Variants in CHD8 observed in about 807,000 individuals in gnomAD.
CHD8 encodes the protein chromodomain helicase DNA binding protein 8.
In CHD8, 31 loss-of-function variants were observed where a neutral mutation model predicts 279.2. That is an observed-to-expected ratio of 0.11 (90% confidence interval 0.08 to 0.15). The LOEUF (loss-of-function observed/expected upper bound fraction) is 0.15, where lower values mean the gene tolerates loss of function less well. CHD8 is among the 10% of genes least tolerant of loss of function. CHD8 has a pLI of 1.00. For synonymous variants in CHD8, 1,081 were observed against 1,139.6 expected, an observed-to-expected ratio of 0.95 and a Z score of 1.04; for missense variants, 2,146 against 3,230.5, an observed-to-expected ratio of 0.66 and a Z score of 8.14.
intron 35 of CHD8, 62 bp downstream of exon 35, chr14:21,391,771 T>C: frequency 6.5e-7 from 1 of 1,529,070 alleles, no homozygotes; most frequent in Non-Finnish European, 9.0e-7. Flanking sequence ...ACTGCCTTCA[T>C]CAATTATTGG....
chr14:21,440,331 CG>C (rs1889924651), intron 1 of CHD8, among the ~76,000 whole-genome samples: 2 of 152,108 alleles, frequency 1.3e-5, no homozygotes, highest in Non-Finnish European at 2.9e-5. Context: ...CTCAGCCTCC[CG>C]GGTAGCTGGG....
At chr14:21,438,492 C>T (rs1594387636) in intron 1 of CHD8, among the ~76,000 whole-genome samples, 1 of 105,026 alleles carries the variant, frequency 9.5e-6, no homozygotes, top group South Asian at 3.2e-4. Flanking sequence ...TTGGGCATTA[C>T]ATAGTAACAC....
intron 2 of CHD8, 93 bp downstream of exon 2, chr14:21,430,708 T>C (rs1889529399): frequency 2.1e-5 from 16 of 757,896 alleles, no homozygotes; most frequent in Middle Eastern, 3.6e-4. Flanking sequence ...TAAATAGGCT[T>C]TCCCAGAGAA....
At chr14:21,449,034 C>A (rs1022516564) in intron 1 of CHD8, among the ~76,000 whole-genome samples, 1 of 151,664 alleles carries the variant, frequency 6.6e-6, no homozygotes, top group East Asian at 2.0e-4. Flanking sequence ...ATTAGCCGGG[C>A]GTGGTGGCGG....
intron 4 of CHD8, 32 bp from the exon 5 acceptor site, chr14:21,426,274 G>T: frequency 8.9e-7 from 1 of 1,126,102 alleles, no homozygotes; most frequent in Non-Finnish European, 1.3e-6. Context: ...CATTTTCAGT[G>T]AAAGCAAAGA....
Position 21,390,928 on chromosome 14 carries a change from A to C in CHD8, c.7182+19T>G. 1 of 1,237,620 alleles carries C rather than the reference A, an allele frequency of 8.1e-7. No homozygotes were observed. Among genetic ancestry groups the C allele is most frequent in the Non-Finnish European group, 1.2e-6 (1 of 850,788 alleles). The allele number at this position is 1,237,620 out of a possible 1,614,324, so 76.7% of individuals were successfully genotyped here. ...CATCTAGTGTGGGAATAGAGTGGTA[A>C]TGCTGCAATTTCTCTCACCTTTTTC... On this transcript the variant is annotated intron_variant, in intron 37 of 37. Transcript: ENST00000646647.
At position 21,400,645 on chromosome 14, in the gene CHD8, T is replaced by A. The variant is rs1256945912; in HGVS notation, c.4371-33A>T. On this transcript the variant is annotated intron_variant, in intron 22 of 37. Coordinates refer to ENST00000646647, the MANE Select transcript of CHD8 (RefSeq NM_001170629.2). The surrounding 1 kb of genome is among the most constrained non-coding windows in gnomAD (Gnocchi z 4.2). ...ACAGAAAACTATATTAACATTTTTCTGAGAAATGACAGTCCCCTGTCCCTC... is the reference window on the plus strand; with the variant it reads ...ACAGAAAACTATATTAACATTTTTCAGAGAAATGACAGTCCCCTGTCCCTC... 1 of 1,526,602 alleles carries A rather than the reference T, an allele frequency of 6.6e-7. No individual in the cohort carries two copies. The highest frequency in any genetic ancestry group is 8.8e-7 in the Non-Finnish European group (1 of 1,142,230). 94.6% of individuals were successfully genotyped at this position (1,526,602 alleles called of 1,614,324 possible). A position where few individuals can be genotyped will look rare whatever the true frequency, so the allele number is the denominator to read the frequency against.
chr14:21,413,170 C>G (rs1243340655), intron 9 of CHD8, among the ~76,000 whole-genome samples, 174 bp from the exon 10 acceptor site: 1 of 152,202 alleles, frequency 6.6e-6, no homozygotes, highest in Non-Finnish European at 1.5e-5. Flanking sequence ...TTACCAGGGT[C>G]TATACCTGAC....
At position 21,428,976 on chromosome 14, in the gene CHD8, T is replaced by C. The variant is rs776708997; in HGVS notation, c.1203A>G (p.Val401=). Residue 401 remains valine (V), a synonymous_variant, in exon 3 of 38, where the codon GTA becomes GTG. Coordinates refer to ENST00000646647, the MANE Select transcript of CHD8 (RefSeq NM_001170629.2). ...GQRLSVPVKV[V]LQPQAGSSQG... ...GTAAGTCTCTCACCTGTGGCTGCAG[T>C]ACCACCTTGACTGGTACTGAAAGTC... is the stretch of plus-strand genomic sequence containing the variant. The C allele has an allele frequency of 2.4e-5, 38 of 1,613,884 alleles. No homozygotes were observed. The highest frequency in any genetic ancestry group is 1.8e-4 in the East Asian group (8 of 44,900).
At chr14:21,417,024 C>CG (rs1483551430) in intron 5 of CHD8, among the ~76,000 whole-genome samples, 2 of 151,840 alleles carry the variant, frequency 1.3e-5, no homozygotes, top group African/African-American at 4.8e-5. Context: ...GGCTTGAACC[C>CG]GGGGGGTGGA....
intron 1 of CHD8, chr14:21,437,316 A>T: frequency 9.1e-7 from 1 of 1,100,968 alleles, no homozygotes; most frequent in Non-Finnish European, 1.1e-6. Context: ...GCTGAAGCGC[A>T]CTGCCACTCA....
chr14:21,448,998 C>G (rs1211068141), intron 1 of CHD8, among the ~76,000 whole-genome samples: 1 of 151,658 alleles, frequency 6.6e-6, no homozygotes, highest in Non-Finnish European at 1.5e-5. Context: ...CAAGGTGAAA[C>G]CCCATCTCTA....
intron 5 of CHD8, among the ~76,000 whole-genome samples, chr14:21,417,372 G>A (rs113303146): frequency 7.9e-5 from 12 of 152,214 alleles, no homozygotes; most frequent in African/African-American, 2.4e-4. Flanking sequence ...CAGGGGATTG[G>A]TTCAATAAAT....
At chr14:21,388,821 G>A (rs193258422) in intron 37 of CHD8, among the ~76,000 whole-genome samples, 1 of 152,212 alleles carries the variant, frequency 6.6e-6, no homozygotes, top group Non-Finnish European at 1.5e-5. Flanking sequence ...GAGCATCCAT[G>A]GATTTTGGTA....
At chr14:21,434,998 T>C (rs1889720584) in intron 1 of CHD8, among the ~76,000 whole-genome samples, 1 of 152,188 alleles carries the variant, frequency 6.6e-6, no homozygotes, top group East Asian at 1.9e-4. Flanking sequence ...AGATGTTAAG[T>C]TGGTTTCAAT....
At chr14:21,411,145 G>T (rs1382848385) in intron 10 of CHD8, among the ~76,000 whole-genome samples, 1 of 152,094 alleles carries the variant, frequency 6.6e-6, no homozygotes, top group Admixed American at 6.5e-5. Flanking sequence ...TAGAAGGGTA[G>T]GTATGATTAA....
chr14:21,409,722 A>G, intron 11 of CHD8, 129 bp downstream of exon 11: 1 of 800,702 alleles, frequency 1.2e-6, no homozygotes, highest in East Asian at 2.6e-5. Flanking sequence ...GGTACATTAT[A>G]CCATTTCTTC....
chr14:21,387,306 C>T (rs1019092101), intron 37 of CHD8, among the ~76,000 whole-genome samples: 19 of 147,906 alleles, frequency 1.3e-4, no homozygotes, highest in African/African-American at 4.5e-4. Flanking sequence ...GCCAACATAG[C>T]GAAACTCTGT....
chr14:21,412,712 A>C (rs1888556021), intron 10 of CHD8, among the ~76,000 whole-genome samples: 1 of 151,536 alleles, frequency 6.6e-6, no homozygotes, highest in South Asian at 2.1e-4. Context: ...TACATGTCTG[A>C]CTTTACAGAA....
Sources: gnomAD v4.1 joint callset for allele counts (sites outside exome capture counted in the v4.1 genomes callset) on GRCh38, gnomAD v4.1.1 for gene constraint, Gnocchi (gnomAD v3.1) non-coding constraint, MANE v1.5 for transcripts, NCBI Gene and HGNC (gene_info 2026-07-23, HGNC 2026-07-21) for gene names.